The following GIPC3 variants were observed in gnomAD, a reference collection of about 807,000 sequenced individuals.
The protein encoded by GIPC3 is GIPC PDZ domain containing family member 3, also known as PDZ domain-containing protein GIPC3.
Under a neutral mutation model 27.3 loss-of-function variants are expected in GIPC3, and 16 were observed. The observed-to-expected ratio is 0.59, with a 90% CI of 0.40 to 0.89. GIPC3 has a LOEUF of 0.89. Among genes scored for constraint, GIPC3 ranks in the 40% least tolerant of loss-of-function variants. The probability of loss-of-function intolerance (pLI) is 0.00; values close to 1 mark genes in which losing one functional copy is unlikely to be tolerated. For missense variants in GIPC3, 440 were observed against 442.1 expected (o/e 1.00, Z 0.04); for synonymous variants, 194 against 184.6 (o/e 1.05, Z -0.41).
In GIPC3 at chr19:3,591,691, A is replaced by C. The variant is rs2032490531; in HGVS notation, c.*1501A>C. 1 of 1,233,758 alleles carries C rather than the reference A, an allele frequency of 8.1e-7. No individual in the cohort carries two copies. Among genetic ancestry groups the C allele is most frequent in the African/African-American group, 1.6e-5 (1 of 64,214 alleles). The allele number at this position is 1,233,758 out of a possible 1,614,324, so 76.4% of individuals were successfully genotyped here. A position where few individuals can be genotyped will look rare whatever the true frequency, so the allele number is the denominator to read the frequency against. On this transcript the variant is annotated 3_prime_UTR_variant, in exon 6 of 6. Transcript: ENST00000644452. ...CAGTTGCATCCAAGTGCCCATCCCC[A>C]TCCTGCAGCCCAGTCCAGCTCCAGT...
At chr19:3,589,365 G>A (rs536195528) in intron 3 of GIPC3, 78 bp from the exon 4 acceptor site, 12 of 1,019,430 alleles carry the variant, frequency 1.2e-5, no homozygotes, top group African/African-American at 7.9e-5. Context: ...AGAAAGGCTC[G>A]GCTGTTGGCC....
intron 3 of GIPC3, among the ~76,000 whole-genome samples, chr19:3,588,581 C>G (rs943788322): frequency 6.7e-6 from 1 of 149,864 alleles, no homozygotes; most frequent in Non-Finnish European, 1.5e-5. Context: ...CACCTGTAAT[C>G]CCAGCACTTT....
At chr19:3,589,701 G>C in intron 4 of GIPC3, 130 bp from the exon 5 acceptor site, 1 of 1,112,156 alleles carries the variant, frequency 9.0e-7, no homozygotes. Flanking sequence ...GGGCAATGAT[G>C]TTGGTACCAG....
In GIPC3 at chr19:3,585,558, G is replaced by A; in HGVS notation, c.-40G>A. ...TGCAGGAAGCGGCGGATCCGGCGGC[G>A]GCGGCGAGGGCCCGGGTGGGTGGCC... On this transcript the variant is annotated 5_prime_UTR_variant, in exon 1 of 6. Transcript: ENST00000644452. 2.8e-5 allele frequency: 32 copies of A among 1,141,674 alleles called. No homozygotes were observed. The highest frequency in any genetic ancestry group is 3.4e-5 in the Non-Finnish European group (32 of 930,362). 70.7% of individuals were successfully genotyped at this position (1,141,674 alleles called of 1,614,324 possible). A position where few individuals can be genotyped will look rare whatever the true frequency, so the allele number is the denominator to read the frequency against.
rs765235753 is a variant in GIPC3 at position 3,590,204 on chromosome 19, G to T, written c.*14G>T. 1.9e-6 allele frequency: 3 copies of T among 1,579,352 alleles called. No individual in the cohort carries two copies. Among genetic ancestry groups the T allele is most frequent in the East Asian group, 2.3e-5 (1 of 43,370 alleles). ...GCCTGTGGCTAGTTTGCCCTGGGGGGGCCCAGCACAGCCCCAGCCCGGAGC... is the reference window on the plus strand; with the variant it reads ...GCCTGTGGCTAGTTTGCCCTGGGGGTGCCCAGCACAGCCCCAGCCCGGAGC... On this transcript the variant is annotated 3_prime_UTR_variant, in exon 6 of 6. Transcript: ENST00000644452.
At chr19:3,586,747 A>C (rs2145269804) in intron 2 of GIPC3, 67 bp downstream of exon 2, 1 of 1,610,714 alleles carries the variant, frequency 6.2e-7, no homozygotes, top group Non-Finnish European at 8.5e-7. Flanking sequence ...CTCTGGGTCG[A>C]CGTGGGTTCT....
intron 3 of GIPC3, among the ~76,000 whole-genome samples, chr19:3,587,567 C>A (rs1261334421): frequency 1.3e-5 from 2 of 152,252 alleles, no homozygotes; most frequent in East Asian, 3.9e-4. Flanking sequence ...TAGGCGTGAG[C>A]CACCGCGCGC....
Position 3,592,582 on chromosome 19 carries a change from C to T in GIPC3, c.*2392C>T. On this transcript the variant is annotated 3_prime_UTR_variant, in exon 6 of 6. Coordinates refer to ENST00000644452, the MANE Select transcript of GIPC3 (RefSeq NM_133261.3). ...CCTGAGACCAGGCTCAGCTCTGAGG[C>T]TCAGTCCAGCTCTGGAACCCAGTTC... 1 of 1,231,930 alleles carries T rather than the reference C, an allele frequency of 8.1e-7. No individual in the cohort carries two copies. The highest frequency in any genetic ancestry group is 1.0e-6 in the Non-Finnish European group (1 of 987,924). 76.3% of individuals were successfully genotyped at this position (1,231,930 alleles called of 1,614,324 possible). A position where few individuals can be genotyped will look rare whatever the true frequency, so the allele number is the denominator to read the frequency against.
At chr19:3,587,080 T>C (rs951236278) in intron 3 of GIPC3, 86 bp downstream of exon 3, 9 of 1,328,330 alleles carry the variant, frequency 6.8e-6, no homozygotes, top group South Asian at 6.3e-5. Flanking sequence ...TGGGACGGGC[T>C]GGAAGGTTCT....
In GIPC3 at chr19:3,591,543, C is replaced by T; in HGVS notation, c.*1353C>T. 1 of 1,232,890 alleles carries T rather than the reference C, an allele frequency of 8.1e-7. No individual in the cohort carries two copies. Among genetic ancestry groups the T allele is most frequent in the Non-Finnish European group, 1.0e-6 (1 of 988,730 alleles). The allele number at this position is 1,232,890 out of a possible 1,614,324, so 76.4% of individuals were successfully genotyped here. On this transcript the variant is annotated 3_prime_UTR_variant, in exon 6 of 6. Transcript: ENST00000644452. ...AACCCATGTGAGATTCATGAAGCAG[C>T]CCAGCTCTGGAACCCCAGTCAGCTC...
In GIPC3 at chr19:3,590,494, C is replaced by A. The variant is rs2032466866; in HGVS notation, c.*304C>A. On this transcript the variant is annotated 3_prime_UTR_variant, in exon 6 of 6. Coordinates refer to ENST00000644452, the MANE Select transcript of GIPC3 (RefSeq NM_133261.3). ...TCTAGAACTCAGATGAGCTTTGAGA[C>A]CATGCCCAGCACTGAGACCAAGCCC... 7.1e-7 allele frequency: 1 copy of A among 1,414,146 alleles called. No homozygotes were observed. The highest frequency in any genetic ancestry group is 1.4e-5 in the African/African-American group (1 of 69,538). 87.6% of individuals were successfully genotyped at this position (1,414,146 alleles called of 1,614,324 possible).
Position 3,591,536 on chromosome 19 carries a change from G to T in GIPC3, c.*1346G>T. 1 of 1,232,830 alleles carries T rather than the reference G, an allele frequency of 8.1e-7. No homozygotes were observed. Among genetic ancestry groups the T allele is most frequent in the Non-Finnish European group, 1.0e-6 (1 of 988,684 alleles). The allele number at this position is 1,232,830 out of a possible 1,614,324, so 76.4% of individuals were successfully genotyped here. On this transcript the variant is annotated 3_prime_UTR_variant, in exon 6 of 6. Transcript: ENST00000644452. ...ATTTTGGAACCCATGTGAGATTCAT[G>T]AAGCAGCCCAGCTCTGGAACCCCAG...
Position 3,593,263 on chromosome 19 carries a change from C to T in GIPC3, c.*3073C>T. ...TGCCCCACTCTGGGGGAGCCAGGAG[C>T]CCGCCCTTACCGCGGGGGGCCGTAG... On this transcript the variant is annotated 3_prime_UTR_variant, in exon 6 of 6. Transcript: ENST00000644452. The T allele has an allele frequency of 8.1e-7, 1 of 1,232,610 alleles. No homozygotes were observed. The highest frequency in any genetic ancestry group is 1.0e-6 in the Non-Finnish European group (1 of 988,332). 76.4% of individuals were successfully genotyped at this position (1,232,610 alleles called of 1,614,324 possible).
Position 3,585,691 on chromosome 19 carries a change from C to T in GIPC3, c.94C>T (p.Arg32Cys), listed in dbSNP as rs1189679517. 7.8e-6 allele frequency: 11 copies of T among 1,418,226 alleles called. No homozygotes were observed. The highest frequency in any genetic ancestry group is 3.1e-5 in the East Asian group (1 of 31,830). 87.9% of individuals were successfully genotyped at this position (1,418,226 alleles called of 1,614,324 possible). A position where few individuals can be genotyped will look rare whatever the true frequency, so the allele number is the denominator to read the frequency against. Residue 32 changes from arginine to cysteine, a missense_variant, in exon 1 of 6, where the codon CGC becomes TGC. Coordinates refer to ENST00000644452, the MANE Select transcript of GIPC3 (RefSeq NM_133261.3). The part of the protein sequence containing the change: ...PAPSEPPAAP[R>C]ARPRLVFRTQ... Reference sequence around the variant, plus strand: ...GCCCTCGGAGCCCCCGGCCGCGCCCCGCGCCCGCCCGCGCCTCGTCTTCCG... The same window carrying T: ...GCCCTCGGAGCCCCCGGCCGCGCCCTGCGCCCGCCCGCGCCTCGTCTTCCG...
At chr19:3,589,742 C>T in intron 4 of GIPC3, 89 bp from the exon 5 acceptor site, 3 of 1,336,392 alleles carry the variant, frequency 2.2e-6, no homozygotes, top group Non-Finnish European at 3.2e-6. Flanking sequence ...GTCCAGTCTA[C>T]TCTTCCCTTA....
rs149892661 is a variant in GIPC3, at chr19:3,589,580, C to G, written c.705+25C>G. The G allele has an allele frequency of 6.1e-5, 96 of 1,576,552 alleles. No individual in the cohort carries two copies. The East Asian group carries it at 1.9e-3, about 32-fold the overall frequency. On this transcript the variant is annotated intron_variant, in intron 4 of 5. Transcript: ENST00000644452. ...GGTGAGTGAAGGGGAGGGGCTCTCC[C>G]CAGGCTTCTGCACCTTCAGCTCCTC...
rs771396764 is a variant in GIPC3, at chr19:3,590,027, C to T, written c.788-12C>T. 21 of 1,612,596 alleles carry T rather than the reference C, an allele frequency of 1.3e-5. No homozygotes were observed. Among genetic ancestry groups the T allele is most frequent in the South Asian group, 8.8e-5 (8 of 91,012 alleles). On this transcript the variant is annotated splice_polypyrimidine_tract_variant and intron_variant, in intron 5 of 5. Coordinates refer to ENST00000644452, the MANE Select transcript of GIPC3 (RefSeq NM_133261.3). ...GTGCCCTCACTGACATCCCCTCTGG[C>T]ACGGCCCGCAGCGTCCACCATGGTG...
At position 3,592,187 on chromosome 19, in the gene GIPC3, C is replaced by G; in HGVS notation, c.*1997C>G. 8.1e-7 allele frequency: 1 copy of G among 1,232,118 alleles called. No individual in the cohort carries two copies. Among genetic ancestry groups the G allele is most frequent in the Non-Finnish European group, 1.0e-6 (1 of 988,048 alleles). The allele number at this position is 1,232,118 out of a possible 1,614,324, so 76.3% of individuals were successfully genotyped here. On this transcript the variant is annotated 3_prime_UTR_variant, in exon 6 of 6. Coordinates refer to ENST00000644452, the MANE Select transcript of GIPC3 (RefSeq NM_133261.3). ...CCGACAGCAGGTCCAGCTCCAGGAC[C>G]CAGCGCTGCCCAGGAGCTCGACCAG...
chr19:3,592,885 C>G lies in GIPC3; in HGVS notation c.*2695C>G, dbSNP rs2145279079. ...TGCCCACAGACCCCTGGCCTTGACC[C>G]TAGAATCCAGCTTGAGGCCCCTGCC... On this transcript the variant is annotated 3_prime_UTR_variant, in exon 6 of 6. Coordinates refer to ENST00000644452, the MANE Select transcript of GIPC3 (RefSeq NM_133261.3). 1 of 1,232,242 alleles carries G rather than the reference C, an allele frequency of 8.1e-7. No homozygotes were observed. The highest frequency in any genetic ancestry group is 1.0e-6 in the Non-Finnish European group (1 of 988,170). 76.3% of individuals were successfully genotyped at this position (1,232,242 alleles called of 1,614,324 possible).
Sources: allele counts gnomAD v4.1 joint callset (sites outside exome capture counted in the v4.1 genomes callset), GRCh38; gene constraint gnomAD v4.1.1; transcripts MANE v1.5; gene names NCBI Gene and HGNC (gene_info 2026-07-23, HGNC 2026-07-21).